The following XKR4 variants were observed in gnomAD, a reference collection of about 807,000 sequenced individuals.
The protein encoded by XKR4 is XK related 4, also known as XK-related protein 4.
A neutral mutation model predicts 53.9 loss-of-function variants in XKR4; 12 were observed. The ratio of observed to expected loss-of-function variants is 0.22; its 90% CI spans 0.14 to 0.36. The LOEUF (loss-of-function observed/expected upper bound fraction) is 0.36. XKR4 is among the 10% of genes least tolerant of loss of function. XKR4 has a pLI of 1.00. For synonymous variants in XKR4, 354 were observed against 362.4 expected, an observed-to-expected ratio of 0.98 and a Z score of 0.26; for missense variants, 799 against 859.5, an observed-to-expected ratio of 0.93 and a Z score of 0.88.
chr8:55,132,364 G>T (rs745833716), intron 1 of XKR4, among the ~76,000 whole-genome samples: 4 of 152,204 alleles, frequency 2.6e-5, no homozygotes, highest in Non-Finnish European at 5.9e-5. Context: ...CCCCTTGAAA[G>T]TGTGGATAGT....
chr8:55,196,211 C>T lies in XKR4; in HGVS notation c.806+92917C>T, dbSNP rs865919359. The stretch of plus-strand genomic sequence containing the variant: ...TTTTTTTTTTGTTGAGATGGAGTTT[C>T]GCTCTTGTTGCCCAGGCTGGAGTGC... On this transcript the variant is annotated intron_variant, in intron 1 of 2. Coordinates refer to ENST00000327381, the MANE Select transcript of XKR4 (RefSeq NM_052898.2). Among the ~76,000 whole-genome samples, 118 of 117,434 alleles carry T rather than the reference C, an allele frequency of 1.0e-3. No individual in the cohort carries two copies. In the Middle Eastern group the frequency reaches 0.06, roughly 60 times the overall value. The allele number at this position is 117,434 out of a possible 152,430, so 77.0% of individuals were successfully genotyped here. A position where few individuals can be genotyped will look rare whatever the true frequency, so the allele number is the denominator to read the frequency against.
At chr8:55,488,758 T>G (rs1806229411) in intron 2 of XKR4, among the ~76,000 whole-genome samples, 1 of 11,934 alleles carries the variant, frequency 8.4e-5, no homozygotes, top group Non-Finnish European at 1.4e-4. Context: ...GCTAAAACGG[T>G]GAAACCCCGT....
At chr8:55,362,954 T>A (rs1340895739) in intron 2 of XKR4, among the ~76,000 whole-genome samples, 2 of 152,220 alleles carry the variant, frequency 1.3e-5, no homozygotes, top group Non-Finnish European at 1.5e-5. Context: ...CAGCCCAGGC[T>A]AAGTACAGCA....
chr8:55,242,243 C>T (rs544013974), intron 1 of XKR4, among the ~76,000 whole-genome samples: 1 of 152,094 alleles, frequency 6.6e-6, no homozygotes, highest in African/African-American at 2.4e-5. Flanking sequence ...TCAGAGACAC[C>T]ACTTTGGAGT....
intron 1 of XKR4, among the ~76,000 whole-genome samples, chr8:55,329,591 C>A (rs781610823): frequency 6.6e-6 from 1 of 152,150 alleles, no homozygotes; most frequent in Non-Finnish European, 1.5e-5. Context: ...CATGTCTTAA[C>A]TTAGTAATTA....
chr8:55,428,497 C>G (rs1159084326), intron 2 of XKR4, among the ~76,000 whole-genome samples: 1 of 152,240 alleles, frequency 6.6e-6, no homozygotes, highest in Non-Finnish European at 1.5e-5. Flanking sequence ...ACCGCCAAGG[C>G]TAAGCAAGGA....
intron 2 of XKR4, among the ~76,000 whole-genome samples, chr8:55,468,287 G>C (rs183483839): frequency 1.3e-5 from 2 of 152,090 alleles, no homozygotes; most frequent in African/African-American, 4.8e-5. Flanking sequence ...CTTTCAGGAC[G>C]CAGCGTGTCA....
At chr8:55,109,732 C>A (rs9298526) in intron 1 of XKR4, among the ~76,000 whole-genome samples, 123,089 of 152,110 alleles carry the variant, frequency 0.81, 49,939 homozygotes, top group East Asian at 0.93. Context: ...ACTCCCCAAC[C>A]GACTAACTTA....
intron 2 of XKR4, among the ~76,000 whole-genome samples, chr8:55,504,202 G>GTTTTA (rs1220648903): frequency 6.6e-6 from 1 of 150,730 alleles, no homozygotes; most frequent in African/African-American, 2.4e-5. Flanking sequence ...GTTTTGTTTT[G>GTTTTA]TTTTGTTTTG....
chr8:55,453,052 A>C (rs76089029), intron 2 of XKR4: 16 of 598,294 alleles, frequency 2.7e-5, no homozygotes, highest in Non-Finnish European at 4.2e-5. Context: ...TGCCTCCCCA[A>C]CCTCCTGGGC....
intron 1 of XKR4, among the ~76,000 whole-genome samples, chr8:55,289,148 A>AT (rs1818947114): frequency 1.3e-5 from 2 of 152,154 alleles, no homozygotes; most frequent in Admixed American, 6.5e-5. Flanking sequence ...ATGAACATAA[A>AT]TTTTTATTTC....
rs1404735847 is a variant in XKR4, at chr8:55,525,569, G to C, written c.*1342G>C. On this transcript the variant is annotated 3_prime_UTR_variant, in exon 3 of 3. Coordinates refer to ENST00000327381, the MANE Select transcript of XKR4 (RefSeq NM_052898.2). ...TCGCACTCTTACAACAAGCTTCTGG[G>C]TTTTAAATACCTCCGTACAGCAAGT... 1.3e-5 allele frequency: 2 copies of C among 152,540 alleles called. No individual in the cohort carries two copies. Among genetic ancestry groups the C allele is most frequent in the African/African-American group, 2.4e-5 (1 of 41,406 alleles). 9.4% of individuals were successfully genotyped at this position (152,540 alleles called of 1,614,324 possible). A position where few individuals can be genotyped will look rare whatever the true frequency, so the allele number is the denominator to read the frequency against.
At chr8:55,523,193 C>T in intron 2 of XKR4, 88 bp from the exon 3 acceptor site, 1 of 1,231,004 alleles carries the variant, frequency 8.1e-7, no homozygotes, top group East Asian at 2.5e-5. Flanking sequence ...CAAAGCCAGC[C>T]TTCCCCAAGC....
chr8:55,289,625 GAAA>G (rs1462076673), intron 1 of XKR4, among the ~76,000 whole-genome samples: 22 of 110,936 alleles, frequency 2.0e-4, no homozygotes, highest in East Asian at 7.5e-4. Context: ...AAGAAAGAAA[GAAA>G]GAAAGAAAGA....
chr8:55,358,468 T>C (rs1246788479), intron 2 of XKR4, among the ~76,000 whole-genome samples: 3 of 152,206 alleles, frequency 2.0e-5, no homozygotes, highest in African/African-American at 7.2e-5. Context: ...AAACGGATAT[T>C]ATTATCAGAT....
chr8:55,249,468 C>G (rs550921802), intron 1 of XKR4, among the ~76,000 whole-genome samples: 2 of 152,280 alleles, frequency 1.3e-5, no homozygotes, highest in African/African-American at 2.4e-5. Flanking sequence ...CATGATCGAC[C>G]CTGTCCACCC....
intron 2 of XKR4, among the ~76,000 whole-genome samples, chr8:55,489,535 A>G (rs1806242537): frequency 6.6e-6 from 1 of 152,120 alleles, no homozygotes; most frequent in African/African-American, 2.4e-5. Context: ...CTGGCTCCTC[A>G]TGTTGTGTTA....
chr8:55,328,435 G>C (rs1297719294), intron 1 of XKR4, among the ~76,000 whole-genome samples: 1 of 152,114 alleles, frequency 6.6e-6, no homozygotes, highest in East Asian at 1.9e-4. Context: ...TCATTGTCTT[G>C]AGATGCATCT....
rs1585602091 is a variant in XKR4 at position 55,488,659 on chromosome 8, GCC to G, written c.1007-34621_1007-34620del. On this transcript the variant is annotated intron_variant, in intron 2 of 2. Coordinates refer to ENST00000327381, the MANE Select transcript of XKR4 (RefSeq NM_052898.2). ...GGAGAGAATAAAAAGACCAATGGTG[GCC>G]GGGCGCGGTGGCTCACGCCTGTAAT... Among the ~76,000 whole-genome samples the G allele has an allele frequency of 2.4e-3, 151 of 62,240 alleles. 36 individuals carry two copies. The highest frequency in any genetic ancestry group is 5.7e-3 in the Middle Eastern group (1 of 176). The allele number at this position is 62,240 out of a possible 152,430, so 40.8% of individuals were successfully genotyped here.
Sources: allele counts gnomAD v4.1 joint callset (sites outside exome capture counted in the v4.1 genomes callset), GRCh38; gene constraint gnomAD v4.1.1; transcripts MANE v1.5; gene names NCBI Gene and HGNC (gene_info 2026-07-23, HGNC 2026-07-21).